The following DHRS4L2 variants were observed in gnomAD, a reference collection of about 807,000 sequenced individuals.
DHRS4L2 encodes the protein dehydrogenase/reductase 4 like 2, also known as dehydrogenase/reductase SDR family member 4-like 2.
In DHRS4L2, 22 loss-of-function variants were observed where a neutral mutation model predicts 23.9. The ratio of observed to expected loss-of-function variants is 0.92; its 90% CI spans 0.66 to 1.31. DHRS4L2 has a LOEUF of 1.31. DHRS4L2 is among the 40% of genes most tolerant of loss of function. The pLI is 0.00. For synonymous variants in DHRS4L2, 141 were observed against 123.7 expected (o/e 1.14, Z -0.93); for missense variants, 385 against 303.3 (o/e 1.27, Z -2.00).
intron 1 of DHRS4L2, among the ~76,000 whole-genome samples, chr14:23,970,980 A>T (rs553799230): frequency 2.6e-5 from 4 of 152,196 alleles, no homozygotes; most frequent in African/African-American, 7.2e-5. Context: ...TCCACACTAA[A>T]ACCCCATCCA....
intron 3 of DHRS4L2, among the ~76,000 whole-genome samples, chr14:23,999,499 TAA>T (rs1566500111): frequency 6.7e-6 from 1 of 149,888 alleles, no homozygotes; most frequent in South Asian, 2.1e-4. Flanking sequence ...CTCTGGACTT[TAA>T]AAAACACACA....
At chr14:23,981,108 G>A (rs2034043659) in intron 1 of DHRS4L2, among the ~76,000 whole-genome samples, 1 of 151,774 alleles carries the variant, frequency 6.6e-6, no homozygotes, top group Non-Finnish European at 1.5e-5. Flanking sequence ...CTTCAGCAAA[G>A]TCTCAGGATA....
chr14:23,971,386 T>C (rs1461033924), intron 1 of DHRS4L2, among the ~76,000 whole-genome samples: 1 of 151,762 alleles, frequency 6.6e-6, no homozygotes, highest in East Asian at 1.9e-4. Flanking sequence ...TTCAATCAAG[T>C]GGAAGAAAGG....
intron 1 of DHRS4L2, among the ~76,000 whole-genome samples, chr14:23,972,329 T>C (rs2033875024): frequency 6.6e-6 from 1 of 152,040 alleles, no homozygotes; most frequent in Admixed American, 6.5e-5. Context: ...CAGTGAGTGT[T>C]ACAGCTCTTA....
upstream of DHRS4L2, among the ~76,000 whole-genome samples, chr14:23,985,928 T>C (rs1256852751): frequency 6.6e-6 from 1 of 151,504 alleles, no homozygotes; most frequent in Non-Finnish European, 1.5e-5. Context: ...GGTCTTGAAC[T>C]CTTGACCATG....
chr14:23,979,152 C>G (rs997400071), intron 1 of DHRS4L2, among the ~76,000 whole-genome samples: 1 of 148,674 alleles, frequency 6.7e-6, no homozygotes, highest in African/African-American at 2.5e-5. Flanking sequence ...CAATCCTGGT[C>G]TCCGATAAAA....
chr14:23,995,217 A>C (rs1337066763), intron 3 of DHRS4L2, 84 bp downstream of exon 3: 34 of 1,498,036 alleles, frequency 2.3e-5, no homozygotes, highest in Non-Finnish European at 3.0e-5. Context: ...TGCATTTCTC[A>C]AGGGCAGTGT....
At chr14:23,996,454 C>T (rs1210062837) in intron 3 of DHRS4L2, among the ~76,000 whole-genome samples, 10 of 150,936 alleles carry the variant, frequency 6.6e-5, no homozygotes, top group African/African-American at 9.7e-5. Flanking sequence ...GGCAACACAG[C>T]GAGACCTTTT....
chr14:23,988,971 C>A lies in DHRS4L2; in HGVS notation c.24C>A (p.Gly8=). Residue 8 remains glycine, a synonymous_variant, in exon 1 of 8, where the codon GGC becomes GGA. Transcript: ENST00000335125. MQMARLL[G]LCAWARKSVR... ...CCATGCAGATGGCCAGGCTGCTAGGCCTCTGTGCCTGGGCACGGAAGTCGG... is the reference window on the plus strand; with the variant it reads ...CCATGCAGATGGCCAGGCTGCTAGGACTCTGTGCCTGGGCACGGAAGTCGG... 1 of 1,612,142 alleles carries A rather than the reference C, an allele frequency of 6.2e-7. No individual in the cohort carries two copies. Among genetic ancestry groups the A allele is most frequent in the East Asian group, 2.2e-5 (1 of 44,868 alleles).
intron 2 of DHRS4L2, among the ~76,000 whole-genome samples, chr14:23,991,356 CAA>C (rs1475942119): frequency 2.6e-5 from 4 of 151,664 alleles, no homozygotes; most frequent in Non-Finnish European, 5.9e-5. Flanking sequence ...CGACAAAGCC[CAA>C]GATTGGGGCC....
Position 24,006,278 on chromosome 14 carries a change from C to T in DHRS4L2, c.*415C>T. ...CTTGGCAAAGACCAAGATATTTTTT[C>T]CTGGGCCACTGGGGAATCTGAGGGG... On this transcript the variant is annotated 3_prime_UTR_variant, in exon 8 of 8. Coordinates refer to ENST00000335125, the MANE Select transcript of DHRS4L2 (RefSeq NM_198083.4). The T allele has an allele frequency of 2.1e-6, 1 of 469,170 alleles. No homozygotes were observed. The highest frequency in any genetic ancestry group is 5.5e-5 in the East Asian group (1 of 18,306). The allele number at this position is 469,170 out of a possible 1,614,324, so 29.1% of individuals were successfully genotyped here. A position where few individuals can be genotyped will look rare whatever the true frequency, so the allele number is the denominator to read the frequency against.
At chr14:23,991,762 G>A (rs1436302870) in intron 2 of DHRS4L2, among the ~76,000 whole-genome samples, 1 of 148,156 alleles carries the variant, frequency 6.7e-6, no homozygotes, top group African/African-American at 2.5e-5. Flanking sequence ...TTGAGACAGA[G>A]TTTCATTCTT....
intron 2 of DHRS4L2, among the ~76,000 whole-genome samples, chr14:23,991,432 T>C (rs530521300): frequency 9.9e-5 from 15 of 151,772 alleles, no homozygotes; most frequent in Admixed American, 2.0e-4. Context: ...CCATACGACA[T>C]GTAAGTAGCA....
chr14:23,995,085 C>T lies in DHRS4L2; in HGVS notation c.360C>T (p.Asn120=), dbSNP rs189352232. ...TCCTAGTCTCCAATGCTGCTGTCAA[C>T]CCTTTCTTTGGAAGCCTAATGGATG... is the stretch of plus-strand genomic sequence containing the variant. ...IDILVSNAAV[N]PFFGSLMDVT... Residue 120 remains asparagine (N), a synonymous_variant, in exon 3 of 8, where the codon AAC becomes AAT. Transcript: ENST00000335125. 181 of 1,612,994 alleles carry T rather than the reference C, an allele frequency of 1.1e-4. 2 individuals are homozygous for T. Among genetic ancestry groups the T allele is most frequent in the Admixed American group, 5.5e-4 (33 of 60,002 alleles).
Position 23,988,937 on chromosome 14 carries a change from T to A in DHRS4L2, c.-11T>A, listed in dbSNP as rs1417406894. On this transcript the variant is annotated 5_prime_UTR_variant, in exon 1 of 8. Coordinates refer to ENST00000335125, the MANE Select transcript of DHRS4L2 (RefSeq NM_198083.4). ...TGGAAGGAGTGGAACCCAGACTTGC[T>A]GGTCTGATCCATGCAGATGGCCAGG... The A allele has an allele frequency of 3.1e-6, 5 of 1,611,476 alleles. 1 individual carries two copies. Among genetic ancestry groups the A allele is most frequent in the Non-Finnish European group, 4.2e-6 (5 of 1,178,810 alleles).
rs548268010 is a variant in DHRS4L2, at chr14:23,971,572, CAGAG to C, written c.-176+1244_-176+1247del. On this transcript the variant is annotated intron_variant, in intron 1 of 5. Transcript: ENST00000534993. ...CAGACTCAGCAAGGTTAAGGGCAGC[CAGAG>C]AGAAAGGTTGGGTGACCAACAAAGG... Among the ~76,000 whole-genome samples, 675 of 152,086 alleles carry C rather than the reference CAGAG, an allele frequency of 4.4e-3. 10 individuals carry two copies. Among genetic ancestry groups the C allele is most frequent in the Non-Finnish European group, 7.9e-3 (538 of 67,982 alleles).
intron 3 of DHRS4L2, among the ~76,000 whole-genome samples, chr14:23,996,664 TCC>T (rs370306736): frequency 0.15 from 17,708 of 120,478 alleles, 483 homozygotes; most frequent in African/African-American, 0.34. Context: ...TTTTTTTTTT[TCC>T]CCCTCGCTGT....
chr14:23,973,315 C>T (rs551003606), intron 1 of DHRS4L2, among the ~76,000 whole-genome samples: 1 of 152,116 alleles, frequency 6.6e-6, no homozygotes, highest in South Asian at 2.1e-4. Context: ...ACCCAGAACT[C>T]GTGCTGGCCT....
At position 23,989,061 on chromosome 14, in the gene DHRS4L2, G is replaced by A. The variant is rs377530572; in HGVS notation, c.114G>A (p.Thr38=). ...DPLTNKVALV[T]ASTDGIGFAI... ...TCACAAATAAGGTGGCCCTGGTAAC[G>A]GCCTCCACCGACGGGTGAGTGTTGG... Residue 38 remains threonine, a synonymous_variant, in exon 1 of 8, where the codon ACG becomes ACA. Transcript: ENST00000335125. 152 of 1,579,254 alleles carry A rather than the reference G, an allele frequency of 9.6e-5. No homozygotes were observed. The highest frequency in any genetic ancestry group is 2.4e-4 in the Admixed American group (13 of 54,334).
Sources: allele counts gnomAD v4.1 joint callset (sites outside exome capture counted in the v4.1 genomes callset), GRCh38; gene constraint gnomAD v4.1.1; transcripts MANE v1.5; gene names NCBI Gene and HGNC (gene_info 2026-07-23, HGNC 2026-07-21).